Variants in LRRC4C observed in about 807,000 individuals in gnomAD.
The protein encoded by LRRC4C is leucine-rich repeat-containing protein 4C.
In LRRC4C, 5 loss-of-function variants were observed where a neutral mutation model predicts 33.6. The ratio of observed to expected loss-of-function variants is 0.15; its 90% confidence interval spans 0.08 to 0.31. The LOEUF (loss-of-function observed/expected upper bound fraction) is 0.31, where lower values mean the gene tolerates loss of function less well. Ranked by LOEUF, LRRC4C falls within the 10% of genes least tolerant of loss-of-function variation. The pLI is 1.00. For missense variants in LRRC4C, 560 were observed against 796.7 expected (o/e 0.70, Z 3.58); for synonymous variants, 329 against 302.0 (o/e 1.09, Z -0.93).
chr11:40,882,683 T>C (rs1031610613), intron 2 of LRRC4C, among the ~76,000 whole-genome samples: 1 of 152,106 alleles, frequency 6.6e-6, no homozygotes, highest in African/African-American at 2.4e-5. Context: ...TCCTTTAAAA[T>C]GTAACATTTA....
chr11:40,370,318 TAAAACAC>T (rs1948397232), intron 3 of LRRC4C, among the ~76,000 whole-genome samples: 1 of 152,108 alleles, frequency 6.6e-6, no homozygotes, highest in Admixed American at 6.5e-5. Context: ...CCGCAACATC[TAAAACAC>T]TCGCTGAAAC....
intron 3 of LRRC4C, among the ~76,000 whole-genome samples, chr11:40,473,984 T>C (rs1953075806): frequency 6.6e-6 from 1 of 152,150 alleles, no homozygotes; most frequent in Non-Finnish European, 1.5e-5. Flanking sequence ...CGTTCCATGG[T>C]CATGGATAGA....
chr11:41,314,135 A>G (rs1950717817), intron 1 of LRRC4C, among the ~76,000 whole-genome samples: 1 of 152,132 alleles, frequency 6.6e-6, no homozygotes, highest in African/African-American at 2.4e-5. Context: ...ACAATAGGAG[A>G]GGGTGGAGAA....
At chr11:41,326,243 GC>G (rs912471242) in intron 1 of LRRC4C, among the ~76,000 whole-genome samples, 2 of 152,114 alleles carry the variant, frequency 1.3e-5, no homozygotes, top group African/African-American at 4.8e-5. Flanking sequence ...GATACTTCGT[GC>G]CCTTGAACAT....
chr11:40,984,363 A>AAAAGAGAAAG (rs1852789992), intron 1 of LRRC4C, among the ~76,000 whole-genome samples: 2 of 120,296 alleles, frequency 1.7e-5, no homozygotes, highest in African/African-American at 6.4e-5. Flanking sequence ...AAAGAAAGAA[A>AAAAGAGAAAG]AAAGAAAGAA....
chr11:41,168,894 C>T (rs1193046042), intron 1 of LRRC4C, among the ~76,000 whole-genome samples: 1 of 152,132 alleles, frequency 6.6e-6, no homozygotes, highest in Non-Finnish European at 1.5e-5. Context: ...ACTACTGAAG[C>T]AGATTTGAGA....
At chr11:41,194,415 C>G (rs114017187) in intron 1 of LRRC4C, among the ~76,000 whole-genome samples, 19 of 151,986 alleles carry the variant, frequency 1.3e-4, no homozygotes, top group Non-Finnish European at 2.1e-4. Flanking sequence ...ATATAATCCC[C>G]TCAAGTATGG....
intron 2 of LRRC4C, among the ~76,000 whole-genome samples, chr11:40,771,928 A>T (rs1352733570): frequency 6.6e-6 from 1 of 152,066 alleles, no homozygotes; most frequent in East Asian, 1.9e-4. Flanking sequence ...GGAGTTCCAA[A>T]CTTTCCCACA....
At chr11:41,366,754 A>C (rs1472891044) in intron 1 of LRRC4C, among the ~76,000 whole-genome samples, 1 of 152,184 alleles carries the variant, frequency 6.6e-6, no homozygotes, top group African/African-American at 2.4e-5. Context: ...GATTAGGGAC[A>C]GATATACACA....
chr11:40,997,307 C>T (rs1454617295), intron 1 of LRRC4C, among the ~76,000 whole-genome samples: 1 of 151,972 alleles, frequency 6.6e-6, no homozygotes, highest in Admixed American at 6.6e-5. Context: ...CTATAAGAGA[C>T]AGTAAAGGGA....
At chr11:41,300,865 C>A (rs921025977) in intron 1 of LRRC4C, among the ~76,000 whole-genome samples, 3 of 152,086 alleles carry the variant, frequency 2.0e-5, no homozygotes, top group Non-Finnish European at 4.4e-5. Context: ...CTACTTGTTA[C>A]ATCTTTAGCA....
At chr11:40,490,647 G>A (rs538056333) in intron 3 of LRRC4C, among the ~76,000 whole-genome samples, 7 of 152,238 alleles carry the variant, frequency 4.6e-5, no homozygotes, top group Admixed American at 1.3e-4. Context: ...TATGGAAAAC[G>A]CTTCTCCTTT....
At chr11:40,146,912 T>C (rs1857781731) in intron 5 of LRRC4C, among the ~76,000 whole-genome samples, 1 of 152,168 alleles carries the variant, frequency 6.6e-6, no homozygotes. Flanking sequence ...TAGGTTGCAT[T>C]GGTATAGCAC....
chr11:40,820,706 A>G (rs1321579991), intron 2 of LRRC4C, among the ~76,000 whole-genome samples: 1 of 151,860 alleles, frequency 6.6e-6, no homozygotes, highest in East Asian at 1.9e-4. Context: ...TCTTGACAAT[A>G]AGCATTTACA....
chr11:40,179,852 G>A (rs566695490), intron 5 of LRRC4C, among the ~76,000 whole-genome samples: 13 of 152,302 alleles, frequency 8.5e-5, no homozygotes, highest in South Asian at 6.2e-4. Flanking sequence ...CTTTTTAGTC[G>A]CATCTGGTTA....
At chr11:40,529,332 T>C (rs1956183272) in intron 3 of LRRC4C, among the ~76,000 whole-genome samples, 1 of 152,080 alleles carries the variant, frequency 6.6e-6, no homozygotes, top group East Asian at 1.9e-4. Flanking sequence ...TATATTTATG[T>C]TAAATAAATC....
chr11:41,331,188 C>T (rs981442262), intron 1 of LRRC4C, among the ~76,000 whole-genome samples: 33 of 152,198 alleles, frequency 2.2e-4, no homozygotes, highest in Admixed American at 1.1e-3. Flanking sequence ...AATTCTCCCT[C>T]AGGCTCTGAA....
intron 1 of LRRC4C, among the ~76,000 whole-genome samples, chr11:40,969,123 A>C (rs942934771): frequency 1.2e-4 from 19 of 152,260 alleles, no homozygotes; most frequent in African/African-American, 4.3e-4. Context: ...CATTTCAACC[A>C]TCATGGATGA....
intron 1 of LRRC4C, among the ~76,000 whole-genome samples, chr11:41,033,705 C>T (rs917260368): frequency 1.3e-5 from 2 of 152,002 alleles, no homozygotes; most frequent in Non-Finnish European, 2.9e-5. Context: ...TAGGGCATTT[C>T]TTCTAAGTCC....
Sources: gnomAD v4.1 joint callset for allele counts (sites outside exome capture counted in the v4.1 genomes callset) on GRCh38, gnomAD v4.1.1 for gene constraint, MANE v1.5 for transcripts, NCBI Gene and HGNC (gene_info 2026-07-23, HGNC 2026-07-21) for gene names.